The following PTPRN2 variants were observed in gnomAD, a reference collection of about 807,000 sequenced individuals.
The protein encoded by PTPRN2 is receptor-type tyrosine-protein phosphatase N2.
Under a neutral mutation model 118.8 loss-of-function variants are expected in PTPRN2, and 74 were observed. The observed-to-expected ratio is 0.62, with a 90% CI of 0.52 to 0.76. The LOEUF is 0.76. Ranked by LOEUF, PTPRN2 falls within the 30% of genes least tolerant of loss-of-function variation. PTPRN2 has a pLI of 0.00. For synonymous variants in PTPRN2, 641 were observed against 608.0 expected, an observed-to-expected ratio of 1.05 and a Z score of -0.80; for missense variants, 1,481 against 1,394.4, an observed-to-expected ratio of 1.06 and a Z score of -0.99.
chr7:157,793,528 G>A (rs1026382671), intron 12 of PTPRN2, among the ~76,000 whole-genome samples: 1 of 152,178 alleles, frequency 6.6e-6, no homozygotes, highest in African/African-American at 2.4e-5. Flanking sequence ...GGGCAAGGGC[G>A]GGGCGTGGTG....
intron 5 of PTPRN2, among the ~76,000 whole-genome samples, chr7:158,174,028 G>A (rs1338625399): frequency 6.6e-6 from 1 of 152,146 alleles, no homozygotes; most frequent in Non-Finnish European, 1.5e-5. Flanking sequence ...CTCAGCTTAT[G>A]AAGATGATGG....
chr7:158,538,932 C>G (rs1276759303), intron 1 of PTPRN2, among the ~76,000 whole-genome samples: 2 of 152,184 alleles, frequency 1.3e-5, no homozygotes, highest in African/African-American at 4.8e-5. Flanking sequence ...GACTCCCAGC[C>G]CAGTCCCAGG....
In PTPRN2 at chr7:157,945,135, G is replaced by A. The variant is rs542408401; in HGVS notation, c.1724-46398C>T. Among the ~76,000 whole-genome samples the A allele has an allele frequency of 5.8e-4, 89 of 152,276 alleles. 1 individual carries two copies. Among genetic ancestry groups the A allele is most frequent in the Non-Finnish European group, 1.1e-3 (74 of 68,024 alleles). On this transcript the variant is annotated intron_variant, in intron 11 of 22. Transcript: ENST00000389418. ...AACACGGTGAGAGGTCAGAGACAGA[G>A]CAGGGATCCGTGCAGGGATGCGGAG...
intron 13 of PTPRN2, among the ~76,000 whole-genome samples, chr7:157,657,872 CACCA>C (rs1470120182): frequency 3.0e-5 from 4 of 131,222 alleles, no homozygotes; most frequent in African/African-American, 8.2e-5. Context: ...TATACACACA[CACCA>C]CACACACACA....
chr7:158,049,498 G>T (rs1809166776), intron 11 of PTPRN2, among the ~76,000 whole-genome samples: 1 of 152,168 alleles, frequency 6.6e-6, no homozygotes, highest in Non-Finnish European at 1.5e-5. Context: ...CACTCTTTCG[G>T]ACTGACCCTC....
chr7:158,036,338 A>G (rs1243621780), intron 11 of PTPRN2, among the ~76,000 whole-genome samples: 1 of 152,230 alleles, frequency 6.6e-6, no homozygotes, highest in African/African-American at 2.4e-5. Flanking sequence ...GTATTCAAAA[A>G]CCAACTCTCA....
chr7:157,822,645 T>C (rs765693574), intron 12 of PTPRN2, among the ~76,000 whole-genome samples: 3 of 152,026 alleles, frequency 2.0e-5, no homozygotes, highest in Non-Finnish European at 4.4e-5. Flanking sequence ...CATCCATTCA[T>C]CTACCCATCC....
At chr7:158,215,308 C>T (rs193010228) in intron 3 of PTPRN2, among the ~76,000 whole-genome samples, 2 of 152,262 alleles carry the variant, frequency 1.3e-5, no homozygotes, top group Non-Finnish European at 2.9e-5. Context: ...GTAGGAATTA[C>T]TCAATGTCAA....
At position 158,133,704 on chromosome 7, in the gene PTPRN2, G is replaced by A. The variant is rs539169319; in HGVS notation, c.1529C>T (p.Ala510Val). Residue 510 changes from alanine to valine, a missense_variant, in exon 9 of 23, where the codon GCG becomes GTG. Coordinates refer to ENST00000389418, the MANE Select transcript of PTPRN2 (RefSeq NM_002847.5). ...QLEVQPSEEE[A>V]RGYIVTDRDP... ...TCTGTCTGTCACGATGTAGCCCCGC[G>A]CCTCTTCCTCGGAAGGCTGGACCTC... 25 of 1,604,394 alleles carry A rather than the reference G, an allele frequency of 1.6e-5. No homozygotes were observed. Among genetic ancestry groups the A allele is most frequent in the African/African-American group, 1.3e-4 (10 of 74,926 alleles).
intron 11 of PTPRN2, among the ~76,000 whole-genome samples, chr7:158,040,039 A>G (rs1378412897): frequency 3.3e-5 from 5 of 152,096 alleles, no homozygotes; most frequent in African/African-American, 9.7e-5. Context: ...GGATCTATCA[A>G]TAAAAACTCC....
chr7:157,709,145 C>T (rs1223699168), intron 12 of PTPRN2, among the ~76,000 whole-genome samples: 1 of 152,156 alleles, frequency 6.6e-6, no homozygotes, highest in East Asian at 1.9e-4. Flanking sequence ...GCTGTGCTGC[C>T]CATGGCTGGG....
chr7:158,146,997 A>G (rs1177100831), intron 6 of PTPRN2, among the ~76,000 whole-genome samples: 2 of 40,698 alleles, frequency 4.9e-5, no homozygotes, highest in African/African-American at 1.1e-4. Context: ...CCTCAATGAC[A>G]CCCCATCTCA....
At chr7:158,164,533 CACGTAGGGAAG>C (rs58111414) in intron 6 of PTPRN2, among the ~76,000 whole-genome samples, 1 of 2,978 alleles carries the variant, frequency 3.4e-4, no homozygotes, top group Non-Finnish European at 5.4e-4. Context: ...CGGGAGCGCG[CACGTAGGGAAG>C]GCGCGCACGT....
intron 2 of PTPRN2, among the ~76,000 whole-genome samples, chr7:158,388,164 G>C (rs1811650204): frequency 6.6e-6 from 1 of 151,988 alleles, no homozygotes; most frequent in African/African-American, 2.4e-5. Flanking sequence ...TCTCGGCAAG[G>C]AGCACCCCTG....
At chr7:157,747,055 G>C (rs1359219622) in intron 12 of PTPRN2, among the ~76,000 whole-genome samples, 38 of 141,160 alleles carry the variant, frequency 2.7e-4, no homozygotes, top group Admixed American at 4.1e-4. Context: ...TCCCTGAGCT[G>C]TGGGGTGTCC....
chr7:158,483,364 C>T (rs1489579278), intron 2 of PTPRN2, among the ~76,000 whole-genome samples: 1 of 152,236 alleles, frequency 6.6e-6, no homozygotes, highest in Non-Finnish European at 1.5e-5. Context: ...CTTGTATCCA[C>T]TCACTCAATA....
chr7:157,679,715 C>CG (rs1554521035), intron 13 of PTPRN2, among the ~76,000 whole-genome samples: 18 of 151,798 alleles, frequency 1.2e-4, no homozygotes, highest in South Asian at 2.1e-4. Flanking sequence ...GGGGTCGGGG[C>CG]TGGGGGGTTC....
intron 2 of PTPRN2, among the ~76,000 whole-genome samples, chr7:158,327,183 TCA>T (rs1284961870): frequency 1.4e-5 from 2 of 139,426 alleles, no homozygotes; most frequent in East Asian, 2.2e-4. Context: ...ACACACATGC[TCA>T]CATTCTCACA....
At chr7:157,648,728 G>A (rs1166975600) in intron 14 of PTPRN2, among the ~76,000 whole-genome samples, 2 of 146,180 alleles carry the variant, frequency 1.4e-5, no homozygotes, top group Non-Finnish European at 3.0e-5. Flanking sequence ...CACTGAACTC[G>A]GTGGGTCGGA....
Sources: gnomAD v4.1 joint callset for allele counts (sites outside exome capture counted in the v4.1 genomes callset) on GRCh38, gnomAD v4.1.1 for gene constraint, MANE v1.5 for transcripts, NCBI Gene and HGNC (gene_info 2026-07-23, HGNC 2026-07-21) for gene names.